PRTG: variants seen among roughly 807,000 people sequenced by gnomAD.
PRTG encodes the protein immunoglobulin superfamily, DCC subclass, member 5.
In PRTG, 67 loss-of-function variants were observed where a neutral mutation model predicts 122.5. The ratio of observed to expected loss-of-function variants is 0.55; its 90% CI spans 0.45 to 0.67. PRTG has a LOEUF of 0.67. Among genes scored for constraint, PRTG ranks in the 30% least tolerant of loss-of-function variants. The probability of loss-of-function intolerance (pLI) is 0.00; values close to 1 mark genes in which losing one functional copy is unlikely to be tolerated. For synonymous variants in PRTG, 554 were observed against 501.1 expected (o/e 1.11, Z -1.41); for missense variants, 1,435 against 1,415.4 (o/e 1.01, Z -0.22).
chr15:55,716,956 C>G (rs1167802125), intron 2 of PRTG, among the ~76,000 whole-genome samples: 1 of 152,040 alleles, frequency 6.6e-6, no homozygotes, highest in African/African-American at 2.4e-5. Context: ...GAATTCATGT[C>G]GAGGAACATC....
intron 11 of PRTG, among the ~76,000 whole-genome samples, chr15:55,645,433 C>CAAAAAAAAAAAAAAAAAAAAAAAAAAA (rs374791424): frequency 3.2e-4 from 6 of 18,944 alleles, no homozygotes; most frequent in Non-Finnish European, 4.3e-4. Flanking sequence ...AACTCCGTCT[C>CAAAAAAAAAAAAAAAAAAAAAAAAAAA]AAAAAAAAAA....
At chr15:55,669,002 T>A (rs548988851) in intron 11 of PRTG, among the ~76,000 whole-genome samples, 2 of 152,336 alleles carry the variant, frequency 1.3e-5, no homozygotes, top group Non-Finnish European at 2.9e-5. Context: ...CCTTTTTATG[T>A]AGTACTACAT....
chr15:55,664,080 A>T (rs1224617161), intron 11 of PRTG, among the ~76,000 whole-genome samples: 1 of 152,166 alleles, frequency 6.6e-6, no homozygotes, highest in Non-Finnish European at 1.5e-5. Context: ...GGCAACTGTG[A>T]ATAGAGCTAT....
intron 2 of PRTG, among the ~76,000 whole-genome samples, chr15:55,737,010 AT>A (rs544154584): frequency 6.6e-6 from 1 of 152,332 alleles, no homozygotes; most frequent in African/African-American, 2.4e-5. Flanking sequence ...TTCCTACGAA[AT>A]TTATCTTACC....
At chr15:55,731,626 C>T (rs2031237785) in intron 2 of PRTG, among the ~76,000 whole-genome samples, 2 of 152,134 alleles carry the variant, frequency 1.3e-5, no homozygotes, top group Non-Finnish European at 2.9e-5. Context: ...GCCTCAGCCT[C>T]CCGAAGTGCT....
At position 55,618,231 on chromosome 15, in the gene PRTG, A is replaced by T. The variant is rs2059149313; in HGVS notation, c.*1781T>A. 1 of 152,196 alleles carries T rather than the reference A, an allele frequency of 6.6e-6. No homozygotes were observed. Among genetic ancestry groups the T allele is most frequent in the South Asian group, 2.1e-4 (1 of 4,826 alleles). 9.4% of individuals were successfully genotyped at this position (152,196 alleles called of 1,614,324 possible). On this transcript the variant is annotated 3_prime_UTR_variant, in exon 20 of 20. Coordinates refer to ENST00000389286, the MANE Select transcript of PRTG (RefSeq NM_173814.6). ...CAGTTTGGCACAAAATTACAGATTT[A>T]AAAAAATTAAAAATGTTATATCTAC...
chr15:55,626,151 C>CAGGCTGCAATT (rs2059193475), intron 17 of PRTG, among the ~76,000 whole-genome samples: 2 of 152,120 alleles, frequency 1.3e-5, no homozygotes, highest in Non-Finnish European at 2.9e-5. Context: ...CGCGGTGGCT[C>CAGGCTGCAATT]ACGCCTGTAA....
chr15:55,742,657 T>C (rs1487058648), intron 1 of PRTG, 181 bp downstream of exon 1: 3 of 683,872 alleles, frequency 4.4e-6, no homozygotes, highest in Admixed American at 6.1e-5. Context: ...CGCAAGCAAC[T>C]AGTGTCTGCA....
chr15:55,623,460 G>C (rs968590655), intron 18 of PRTG, among the ~76,000 whole-genome samples: 1 of 152,074 alleles, frequency 6.6e-6, no homozygotes, highest in African/African-American at 2.4e-5. Flanking sequence ...CCGGCTACTC[G>C]GGAGGCTGAG....
intron 15 of PRTG, among the ~76,000 whole-genome samples, chr15:55,635,104 T>TGTGTGTGTGTGTGTGTG (rs773250114): frequency 2.7e-5 from 3 of 112,634 alleles, no homozygotes; most frequent in African/African-American, 1.4e-4. Flanking sequence ...TGTGTGTGTG[T>TGTGTGTGTGTGTGTGTG]TTTTTGAGAC....
intron 2 of PRTG, among the ~76,000 whole-genome samples, chr15:55,688,576 C>T (rs552681473): frequency 1.3e-5 from 2 of 152,200 alleles, no homozygotes; most frequent in African/African-American, 4.8e-5. Context: ...TGGCTCATGC[C>T]TGTAATCCCA....
chr15:55,671,381 G>C (rs2059470388), intron 11 of PRTG, among the ~76,000 whole-genome samples: 1 of 152,212 alleles, frequency 6.6e-6, no homozygotes, highest in Non-Finnish European at 1.5e-5. Flanking sequence ...CATAATCAAA[G>C]GGACTGCTTT....
At chr15:55,704,990 G>A (rs1171923483) in intron 2 of PRTG, among the ~76,000 whole-genome samples, 3 of 152,148 alleles carry the variant, frequency 2.0e-5, no homozygotes, top group African/African-American at 7.2e-5. Context: ...CTAAAGAAGA[G>A]AAGAGAGAAT....
intron 2 of PRTG, 77 bp from the exon 3 acceptor site, chr15:55,684,008 C>A: frequency 8.1e-7 from 1 of 1,239,294 alleles, no homozygotes; most frequent in South Asian, 1.5e-5. Context: ...CTAGATATTA[C>A]TTATTGGACT....
chr15:55,726,472 A>G (rs1270532364), intron 2 of PRTG, among the ~76,000 whole-genome samples: 1 of 152,126 alleles, frequency 6.6e-6, no homozygotes, highest in East Asian at 1.9e-4. Flanking sequence ...GGGAGGCTGT[A>G]CTAACATCAG....
At position 55,742,935 on chromosome 15, in the gene PRTG, G is replaced by C. The variant is rs757444011; in HGVS notation, c.-4C>G. 5.2e-5 allele frequency: 78 copies of C among 1,514,182 alleles called. No homozygotes were observed. The highest frequency in any genetic ancestry group is 4.2e-4 in the Admixed American group (20 of 47,936). 93.8% of individuals were successfully genotyped at this position (1,514,182 alleles called of 1,614,324 possible). A position where few individuals can be genotyped will look rare whatever the true frequency, so the allele number is the denominator to read the frequency against. ...GGGGTCGCAGAGGAGGCGCCATTCA[G>C]CGTAGCCGCGCGGGCATGCTCCCCG... On this transcript the variant is annotated 5_prime_UTR_variant, in exon 1 of 20. Coordinates refer to ENST00000389286, the MANE Select transcript of PRTG (RefSeq NM_173814.6).
intron 2 of PRTG, among the ~76,000 whole-genome samples, chr15:55,723,699 T>C (rs952029934): frequency 4.6e-5 from 7 of 151,340 alleles, no homozygotes; most frequent in Non-Finnish European, 1.0e-4. Flanking sequence ...AAAAGATTCA[T>C]CACATATTTA....
intron 11 of PRTG, among the ~76,000 whole-genome samples, chr15:55,665,929 T>C (rs530983674): frequency 6.6e-6 from 1 of 152,348 alleles, no homozygotes; most frequent in South Asian, 2.1e-4. Context: ...CATACTTCAG[T>C]GTCCACAAAT....
chr15:55,628,881 G>A lies in PRTG; in HGVS notation c.2747C>T (p.Pro916Leu). Residue 916 changes from proline to leucine, a missense_variant, in exon 16 of 20, where the codon CCA (proline) becomes CTA (leucine). Coordinates refer to ENST00000389286, the MANE Select transcript of PRTG (RefSeq NM_173814.6). ...FSNSVELAVL[P>L]KETSESNQRP... ...CTGATTTGATTCAGAGGTTTCCTTTGGAAGTACTGCCAGCTCCACAGAATT... is the reference window on the plus strand; with the variant it reads ...CTGATTTGATTCAGAGGTTTCCTTTAGAAGTACTGCCAGCTCCACAGAATT... 6.2e-7 allele frequency: 1 copy of A among 1,614,020 alleles called. No homozygotes were observed. The highest frequency in any genetic ancestry group is 1.3e-5 in the African/African-American group (1 of 75,028).
Sources: gnomAD v4.1 joint callset for allele counts (sites outside exome capture counted in the v4.1 genomes callset) on GRCh38, gnomAD v4.1.1 for gene constraint, MANE v1.5 for transcripts, NCBI Gene and HGNC (gene_info 2026-07-23, HGNC 2026-07-21) for gene names.